MARCHF1: variants seen among roughly 807,000 people sequenced by gnomAD.
The protein encoded by MARCHF1 is E3 ubiquitin-protein ligase MARCHF1.
MARCHF1 carries 40 observed loss-of-function variants against 54.2 expected under a neutral mutation model. The ratio of observed to expected loss-of-function variants is 0.74; its 90% CI spans 0.57 to 0.96. MARCHF1 has a LOEUF of 0.96. MARCHF1 is among the 40% of genes least tolerant of loss of function. The pLI, the probability that MARCHF1 is intolerant of heterozygous loss-of-function variation, is 0.00. For missense variants in MARCHF1, 586 were observed against 656.5 expected (o/e 0.89, Z 1.17); for synonymous variants, 236 against 236.3 (o/e 1.00, Z 0.01).
At chr4:163,717,534 A>G (rs999310382) in intron 4 of MARCHF1, among the ~76,000 whole-genome samples, 3 of 152,084 alleles carry the variant, frequency 2.0e-5, no homozygotes, top group Non-Finnish European at 4.4e-5. Context: ...GCTGGGTCAA[A>G]TGGTATTTCT....
chr4:163,679,237 C>T (rs80134603), intron 5 of MARCHF1, among the ~76,000 whole-genome samples: 7,084 of 152,258 alleles, frequency 0.047, 185 homozygotes, highest in Middle Eastern at 0.065. Context: ...CTCAACAGAT[C>T]ACTAGATTTT....
intron 4 of MARCHF1, among the ~76,000 whole-genome samples, chr4:163,787,767 T>C (rs570803745): frequency 6.6e-6 from 1 of 151,924 alleles, no homozygotes; most frequent in Admixed American, 6.6e-5. Context: ...TAAAGAAATA[T>C]CTGCATGCCT....
intron 1 of MARCHF1, among the ~76,000 whole-genome samples, chr4:164,271,741 A>G (rs552670995): frequency 6.6e-6 from 1 of 152,294 alleles, no homozygotes; most frequent in East Asian, 1.9e-4. Flanking sequence ...AAAATAAATG[A>G]GAATTTTTGT....
intron 3 of MARCHF1, among the ~76,000 whole-genome samples, chr4:163,987,971 C>A (rs1040031004): frequency 6.6e-6 from 1 of 152,232 alleles, no homozygotes; most frequent in Admixed American, 6.5e-5. Flanking sequence ...AAACAACAGT[C>A]ATACACAACC....
At position 163,805,807 on chromosome 4, in the gene MARCHF1, T is replaced by C. The variant is rs553795384; in HGVS notation, c.111+48214A>G. 4.3e-5 allele frequency among the ~76,000 whole-genome samples: 6 copies of C among 138,548 alleles called. No homozygotes were observed. The East Asian group carries it at 1.3e-3, about 30-fold the overall frequency. 90.9% of individuals were successfully genotyped at this position (138,548 alleles called of 152,430 possible). A position where few individuals can be genotyped will look rare whatever the true frequency, so the allele number is the denominator to read the frequency against. Reference sequence around the variant, plus strand: ...ATGCTGTGGATTTCAATGGTCACGATATCTACACAAACACTAGGCTCAGCT... The same window carrying C: ...ATGCTGTGGATTTCAATGGTCACGACATCTACACAAACACTAGGCTCAGCT... On this transcript the variant is annotated intron_variant, in intron 4 of 9. Coordinates refer to ENST00000514618, the MANE Select transcript of MARCHF1 (RefSeq NM_001394959.1).
chr4:163,963,187 GC>G (rs1162733299), intron 3 of MARCHF1, among the ~76,000 whole-genome samples: 1 of 151,846 alleles, frequency 6.6e-6, no homozygotes, highest in East Asian at 1.9e-4. Flanking sequence ...TTATACATCA[GC>G]CCTTTAACAC....
chr4:164,044,641 T>C (rs1230049681), intron 2 of MARCHF1, among the ~76,000 whole-genome samples: 2 of 152,156 alleles, frequency 1.3e-5, no homozygotes, highest in African/African-American at 4.8e-5. Flanking sequence ...ATGACTGGAA[T>C]TAGTCCTAAG....
chr4:163,623,814 G>A lies in MARCHF1; in HGVS notation c.163-10421C>T, dbSNP rs1741771850. Among the ~76,000 whole-genome samples the A allele has an allele frequency of 1.3e-5, 2 of 151,916 alleles. 1 individual carries two copies. The highest frequency in any genetic ancestry group is 4.2e-4 in the South Asian group (2 of 4,804). On this transcript the variant is annotated intron_variant, in intron 5 of 9. Transcript: ENST00000514618. ...CCTACCCATTCATTTATAATCCCGG[G>A]GTGACTTCCTAAATCCCCTACCTGC...
intron 3 of MARCHF1, among the ~76,000 whole-genome samples, chr4:163,925,360 C>G (rs1480885957): frequency 6.6e-6 from 1 of 151,804 alleles, no homozygotes; most frequent in Non-Finnish European, 1.5e-5. Flanking sequence ...CTCAGACATC[C>G]CAACTCAATA....
chr4:163,717,244 G>C (rs916646347), intron 4 of MARCHF1, among the ~76,000 whole-genome samples: 2 of 148,456 alleles, frequency 1.3e-5, no homozygotes, highest in Non-Finnish European at 3.0e-5. Flanking sequence ...AGAACATGCG[G>C]TGTTTGGTTT....
Position 163,596,949 on chromosome 4 carries a change from C to T in MARCHF1, c.1011-11020G>A, listed in dbSNP as rs186389923. Among the ~76,000 whole-genome samples, 719 of 135,728 alleles carry T rather than the reference C, an allele frequency of 5.3e-3. 25 individuals carry two copies. The highest frequency in any genetic ancestry group is 0.036 in the Admixed American group (490 of 13,542). 89.0% of individuals were successfully genotyped at this position (135,728 alleles called of 152,430 possible). The stretch of plus-strand genomic sequence containing the variant: ...ATGATTCTTACATCATTTAATTACC[C>T]CAATTATTATTATTATTATTATTTG... On this transcript the variant is annotated intron_variant, in intron 7 of 9. Transcript: ENST00000514618.
At chr4:163,597,169 G>T (rs768115959) in intron 7 of MARCHF1, among the ~76,000 whole-genome samples, 46 of 152,210 alleles carry the variant, frequency 3.0e-4, no homozygotes, top group Non-Finnish European at 5.0e-4. Context: ...TGTTGGCCAG[G>T]CTGGTCTCAA....
At chr4:163,540,774 C>T (rs1268680045) in intron 9 of MARCHF1, among the ~76,000 whole-genome samples, 3 of 152,212 alleles carry the variant, frequency 2.0e-5, no homozygotes, top group Admixed American at 6.5e-5. Flanking sequence ...GGAATCCCAG[C>T]GCTTTGGGAG....
At chr4:163,953,015 A>G (rs1752162882) in intron 3 of MARCHF1, among the ~76,000 whole-genome samples, 1 of 152,150 alleles carries the variant, frequency 6.6e-6, no homozygotes, top group African/African-American at 2.4e-5. Context: ...ATGAAAGACA[A>G]TGTCATGTCC....
intron 1 of MARCHF1, among the ~76,000 whole-genome samples, chr4:164,326,999 G>GTGTGTA (rs1735300402): frequency 2.7e-5 from 4 of 149,238 alleles, no homozygotes; most frequent in African/African-American, 1.0e-4. Context: ...GTGTGTGTGT[G>GTGTGTA]TATGACTTAG....
chr4:164,160,734 A>G (rs988787677), intron 1 of MARCHF1, among the ~76,000 whole-genome samples: 2 of 152,146 alleles, frequency 1.3e-5, no homozygotes, highest in Non-Finnish European at 2.9e-5. Flanking sequence ...CAAAACTCCA[A>G]CTGACAGGTA....
At chr4:163,728,515 A>G (rs754044119) in intron 4 of MARCHF1, among the ~76,000 whole-genome samples, 2 of 151,862 alleles carry the variant, frequency 1.3e-5, no homozygotes, top group Non-Finnish European at 2.9e-5. Context: ...TCCCCCCCAT[A>G]CTTTTGTTAT....
chr4:164,369,379 T>A (rs904603237), intron 1 of MARCHF1, among the ~76,000 whole-genome samples: 4 of 152,160 alleles, frequency 2.6e-5, no homozygotes, highest in African/African-American at 9.7e-5. Flanking sequence ...ACACCATGAT[T>A]TCAAGAGCAT....
chr4:163,674,178 T>C (rs1222973236), intron 5 of MARCHF1, among the ~76,000 whole-genome samples: 1 of 152,116 alleles, frequency 6.6e-6, no homozygotes, highest in Non-Finnish European at 1.5e-5. Flanking sequence ...ATCAAGGCTA[T>C]AAAAACATAA....
Sources: gnomAD v4.1 joint callset for allele counts (sites outside exome capture counted in the v4.1 genomes callset) on GRCh38, gnomAD v4.1.1 for gene constraint, MANE v1.5 for transcripts, NCBI Gene and HGNC (gene_info 2026-07-23, HGNC 2026-07-21) for gene names.